Variants in NRG4 observed in about 807,000 individuals in gnomAD.
NRG4 encodes pro-neuregulin-4, membrane-bound isoform.
A neutral mutation model predicts 15.0 loss-of-function variants in NRG4; 10 were observed. The ratio of observed to expected loss-of-function variants is 0.67; its 90% CI spans 0.41 to 1.13. The LOEUF (loss-of-function observed/expected upper bound fraction) is 1.13, where lower values mean the gene tolerates loss of function less well. Among genes scored for constraint, NRG4 ranks in the 50% most tolerant of loss-of-function variants. The pLI is 0.00. For synonymous variants in NRG4, 41 were observed against 50.1 expected (o/e 0.82, Z 0.77); for missense variants, 139 against 140.2 (o/e 0.99, Z 0.04).
At chr15:76,034,633 A>C (rs1386273975) in intron 5 of NRG4, among the ~76,000 whole-genome samples, 15 of 150,506 alleles carry the variant, frequency 1.0e-4, no homozygotes, top group Middle Eastern at 3.4e-3. Flanking sequence ...AAAAAAAAAA[A>C]CACTTCCAAA....
At chr15:76,032,190 T>C (rs1449381870) in intron 5 of NRG4, among the ~76,000 whole-genome samples, 2 of 152,114 alleles carry the variant, frequency 1.3e-5, no homozygotes, top group East Asian at 3.8e-4. Context: ...GATTTTCCAG[T>C]CAATTGGTTG....
At chr15:75,958,936 A>G (rs2032376282) in intron 4 of NRG4, 1 of 183,916 alleles carries the variant, frequency 5.4e-6, no homozygotes, top group African/African-American at 2.4e-5. Context: ...AAGGAATTTC[A>G]TTTTGGGGCA....
chr15:76,001,866 A>T (rs1352903961), intron 3 of NRG4, among the ~76,000 whole-genome samples: 2 of 152,196 alleles, frequency 1.3e-5, no homozygotes, highest in Non-Finnish European at 2.9e-5. Context: ...TACAACAAAC[A>T]CATAACAAGT....
chr15:75,959,151 A>T (rs568923661), intron 4 of NRG4: 19 of 286,480 alleles, frequency 6.6e-5, no homozygotes, highest in African/African-American at 2.1e-4. Context: ...CTGGATAATT[A>T]AAAAAAAAAA....
intron 5 of NRG4, among the ~76,000 whole-genome samples, chr15:76,017,996 C>T (rs998462071): frequency 1.3e-5 from 2 of 152,054 alleles, no homozygotes; most frequent in South Asian, 4.2e-4. Context: ...TTCACATAGT[C>T]CCATATTTCT....
At chr15:75,964,315 A>G (rs910701579) in intron 3 of NRG4, among the ~76,000 whole-genome samples, 2 of 151,922 alleles carry the variant, frequency 1.3e-5, no homozygotes, top group African/African-American at 2.4e-5. Context: ...TAAAATAACA[A>G]AAATAAAATA....
At position 76,008,376 on chromosome 15, in the gene NRG4, A is replaced by G. The variant is rs141967219; in HGVS notation, c.104+824T>C. On this transcript the variant is annotated intron_variant, in intron 3 of 5. Transcript: ENST00000394907. ...CATCCCAGTATCTTTAACTTTTCCT[A>G]TGGATTTTACTTTTCTATCCTTTTA... Among the ~76,000 whole-genome samples, 369 of 152,210 alleles carry G rather than the reference A, an allele frequency of 2.4e-3. 1 individual carries two copies. Among genetic ancestry groups the G allele is most frequent in the Non-Finnish European group, 3.4e-3 (229 of 67,998 alleles).
In NRG4 at chr15:75,943,362, C is replaced by G; in HGVS notation, c.*276G>C. 1 of 417,126 alleles carries G rather than the reference C, an allele frequency of 2.4e-6. No homozygotes were observed. The highest frequency in any genetic ancestry group is 4.9e-5 in the South Asian group (1 of 20,602). The allele number at this position is 417,126 out of a possible 1,614,324, so 25.8% of individuals were successfully genotyped here. ...GTGTGTGAACATTTGCCTCTGGTTGCTTCAGCACATCAGCTTTCTGGGGAG... is the reference window on the plus strand; with the variant it reads ...GTGTGTGAACATTTGCCTCTGGTTGGTTCAGCACATCAGCTTTCTGGGGAG... On this transcript the variant is annotated 3_prime_UTR_variant, in exon 6 of 6. Coordinates refer to ENST00000394907, the MANE Select transcript of NRG4 (RefSeq NM_138573.4).
At chr15:75,944,956 T>TTTTTTTTTTAACAAG (rs60952613) in intron 5 of NRG4, among the ~76,000 whole-genome samples, 3 of 82,736 alleles carry the variant, frequency 3.6e-5, no homozygotes, top group Non-Finnish European at 1.0e-4. Context: ...TTTTTAATAC[T>TTTTTTTTTTAACAAG]TTTTTTTTTA....
chr15:75,948,143 G>A (rs2031645461), intron 5 of NRG4, among the ~76,000 whole-genome samples: 1 of 151,976 alleles, frequency 6.6e-6, no homozygotes. Context: ...CTTTTGATGT[G>A]CCAAAATTTT....
intron 2 of NRG4, among the ~76,000 whole-genome samples, chr15:76,053,825 C>G (rs565944083): frequency 6.6e-6 from 1 of 150,902 alleles, no homozygotes; most frequent in East Asian, 1.9e-4. Context: ...GCCACTGCAC[C>G]CGGCCTGTAC....
intron 5 of NRG4, among the ~76,000 whole-genome samples, chr15:75,944,766 T>TG (rs1444983063): frequency 1.1e-3 from 166 of 147,870 alleles, no homozygotes; most frequent in African/African-American, 4.0e-3. Flanking sequence ...TGTGTGTGTG[T>TG]GTGGGGGGGT....
chr15:75,953,727 C>A (rs2032048776), intron 5 of NRG4, among the ~76,000 whole-genome samples: 1 of 152,164 alleles, frequency 6.6e-6, no homozygotes, highest in Non-Finnish European at 1.5e-5. Context: ...TATTACTACT[C>A]TGTTACTCAG....
intron 2 of NRG4, among the ~76,000 whole-genome samples, chr15:76,056,460 A>G (rs1419634825): frequency 2.0e-5 from 3 of 151,910 alleles, no homozygotes; most frequent in East Asian, 3.8e-4. Context: ...CTCCGTCTCA[A>G]AAATAAATAA....
intron 4 of NRG4, 103 bp downstream of exon 4, chr15:75,961,725 C>T: frequency 1.3e-6 from 1 of 796,252 alleles, no homozygotes; most frequent in Non-Finnish European, 2.0e-6. Context: ...AAACATAATA[C>T]AGTATCTGGA....
At chr15:76,031,036 C>T (rs969602468) in intron 5 of NRG4, among the ~76,000 whole-genome samples, 29 of 152,032 alleles carry the variant, frequency 1.9e-4, no homozygotes, top group Admixed American at 1.4e-3. Context: ...ATATCATGAC[C>T]AGTAGGGTTT....
At chr15:76,043,765 T>C (rs765903524) in intron 4 of NRG4, among the ~76,000 whole-genome samples, 4 of 152,172 alleles carry the variant, frequency 2.6e-5, no homozygotes, top group Non-Finnish European at 5.9e-5. Context: ...AATGACATTC[T>C]TCACAGAAAC....
At chr15:75,959,299 A>G (rs2032399770) in intron 4 of NRG4, among the ~76,000 whole-genome samples, 4 of 152,168 alleles carry the variant, frequency 2.6e-5, no homozygotes, top group Admixed American at 2.6e-4. Context: ...TTAATATCAC[A>G]CAAATCACTC....
At chr15:76,021,906 C>G (rs540553482) in intron 5 of NRG4, among the ~76,000 whole-genome samples, 46 of 152,298 alleles carry the variant, frequency 3.0e-4, no homozygotes, top group South Asian at 2.9e-3. Flanking sequence ...TTTCCATGGA[C>G]TGGGGTGGCG....
Sources: allele counts gnomAD v4.1 joint callset (sites outside exome capture counted in the v4.1 genomes callset), GRCh38; gene constraint gnomAD v4.1.1; transcripts MANE v1.5; gene names NCBI Gene and HGNC (gene_info 2026-07-23, HGNC 2026-07-21).